The following PPARGC1A variants were observed in gnomAD, a reference collection of about 807,000 sequenced individuals.
PPARGC1A encodes PPARG coactivator 1 alpha, also known as peroxisome proliferator-activated receptor gamma coactivator 1-alpha.
A neutral mutation model predicts 88.7 loss-of-function variants in PPARGC1A; 25 were observed. The observed-to-expected ratio is 0.28, with a 90% CI of 0.21 to 0.39. The LOEUF is 0.39. Among genes scored for constraint, PPARGC1A ranks in the 10% least tolerant of loss-of-function variants. The pLI is 1.00. For missense variants in PPARGC1A, 880 were observed against 968.7 expected (o/e 0.91, Z 1.22); for synonymous variants, 363 against 355.6 (o/e 1.02, Z -0.24).
chr4:23,966,879 GGA>G, the PPARGC1A span, among the ~76,000 whole-genome samples: 1 of 152,158 alleles, frequency 6.6e-6, no homozygotes, highest in Non-Finnish European at 1.5e-5. Context: ...GTCTGGGAAT[GGA>G]GAGAGCCAGC....
At chr4:24,011,656 C>G in the PPARGC1A span, among the ~76,000 whole-genome samples, 1 of 152,148 alleles carries the variant, frequency 6.6e-6, no homozygotes, top group Non-Finnish European at 1.5e-5. Flanking sequence ...AATGCTCCAG[C>G]TCTTTAATGC....
the PPARGC1A span, among the ~76,000 whole-genome samples, chr4:24,070,052 CAG>C: frequency 6.6e-6 from 1 of 152,128 alleles, no homozygotes; most frequent in African/African-American, 2.4e-5. Flanking sequence ...TTTTATATAA[CAG>C]ATACTTTCTA....
chr4:24,471,165 C>T, the PPARGC1A span, among the ~76,000 whole-genome samples: 3 of 151,896 alleles, frequency 2.0e-5, no homozygotes, highest in African/African-American at 7.2e-5. The surrounding 1 kb of genome is among the most constrained non-coding windows in gnomAD (Gnocchi z 5.4). Flanking sequence ...CCACCCCTAG[C>T]GGGCCAGCTC....
the PPARGC1A span, among the ~76,000 whole-genome samples, chr4:24,404,552 C>T: frequency 6.6e-6 from 1 of 151,984 alleles, no homozygotes; most frequent in Non-Finnish European, 1.5e-5. Flanking sequence ...AAAAACAGTG[C>T]AAGAATGCTG....
the PPARGC1A span, among the ~76,000 whole-genome samples, chr4:23,969,185 C>A: frequency 4.9e-4 from 74 of 152,302 alleles, no homozygotes; most frequent in East Asian, 0.014. Flanking sequence ...GTCTTATGGC[C>A]ATGACACTAA....
chr4:23,984,297 T>C, the PPARGC1A span, among the ~76,000 whole-genome samples: 1 of 152,098 alleles, frequency 6.6e-6, no homozygotes, highest in Non-Finnish European at 1.5e-5. Context: ...TTCTCCTTCA[T>C]GGTGCTTCTC....
At chr4:23,916,777 T>C in the PPARGC1A span, among the ~76,000 whole-genome samples, 1 of 152,230 alleles carries the variant, frequency 6.6e-6, no homozygotes. Flanking sequence ...TTAGTTATCA[T>C]CACCACCATT....
At chr4:24,402,467 T>A in the PPARGC1A span, among the ~76,000 whole-genome samples, 1 of 152,166 alleles carries the variant, frequency 6.6e-6, no homozygotes, top group Non-Finnish European at 1.5e-5. Flanking sequence ...CTGATCCCCA[T>A]GACAATCCGA....
chr4:24,427,374 G>C, the PPARGC1A span, among the ~76,000 whole-genome samples: 13 of 150,546 alleles, frequency 8.6e-5, no homozygotes, highest in Non-Finnish European at 1.6e-4. Flanking sequence ...TCCACCTCCT[G>C]GGCTCAAGCC....
chr4:23,946,827 C>CAT, the PPARGC1A span, among the ~76,000 whole-genome samples: 6 of 151,654 alleles, frequency 4.0e-5, no homozygotes, highest in African/African-American at 1.5e-4. Flanking sequence ...CACACACACA[C>CAT]ATACACACAC....
the PPARGC1A span, among the ~76,000 whole-genome samples, chr4:24,169,334 A>C: frequency 6.6e-6 from 1 of 152,140 alleles, no homozygotes; most frequent in South Asian, 2.1e-4. Flanking sequence ...GGGGTCCTGG[A>C]TGGGATCCCA....
At chr4:24,258,965 A>G in the PPARGC1A span, among the ~76,000 whole-genome samples, 3 of 152,168 alleles carry the variant, frequency 2.0e-5, no homozygotes, top group Non-Finnish European at 4.4e-5. Flanking sequence ...CATAGGTCCT[A>G]CCATCAAGAA....
chr4:24,116,767 G>A, the PPARGC1A span, among the ~76,000 whole-genome samples: 1 of 152,150 alleles, frequency 6.6e-6, no homozygotes, highest in Admixed American at 6.6e-5. Flanking sequence ...TGAAACTAAA[G>A]CTCAGACTGG....
At chr4:24,208,986 C>T in the PPARGC1A span, among the ~76,000 whole-genome samples, 1 of 152,224 alleles carries the variant, frequency 6.6e-6, no homozygotes, top group South Asian at 2.1e-4. Flanking sequence ...TACAGATATA[C>T]CTAATTCTAG....
the PPARGC1A span, among the ~76,000 whole-genome samples, chr4:24,393,114 G>A: frequency 6.6e-6 from 1 of 151,796 alleles, no homozygotes; most frequent in Non-Finnish European, 1.5e-5. Flanking sequence ...AATGGTTTCT[G>A]ATGATTCTAC....
the PPARGC1A span, among the ~76,000 whole-genome samples, chr4:24,359,834 C>G: frequency 6.6e-6 from 1 of 152,086 alleles, no homozygotes; most frequent in Admixed American, 6.6e-5. Context: ...AGAAAATGAC[C>G]CTGCCAATAC....
the PPARGC1A span, among the ~76,000 whole-genome samples, chr4:24,153,114 C>T: frequency 3.3e-5 from 5 of 152,152 alleles, no homozygotes; most frequent in Non-Finnish European, 7.3e-5. Flanking sequence ...AAATGCAGAA[C>T]TCAGATTCAG....
the PPARGC1A span, among the ~76,000 whole-genome samples, chr4:24,206,955 A>G: frequency 1.4e-5 from 2 of 146,934 alleles, no homozygotes; most frequent in Non-Finnish European, 3.0e-5. Flanking sequence ...ACATTTTTTT[A>G]CAATTGGTAG....
the PPARGC1A span, among the ~76,000 whole-genome samples, chr4:24,115,573 C>T: frequency 6.6e-6 from 1 of 152,106 alleles, no homozygotes; most frequent in Admixed American, 6.6e-5. Flanking sequence ...ATCAACCAGG[C>T]TTTATATTAT....
Sources: allele counts gnomAD v4.1 joint callset (sites outside exome capture counted in the v4.1 genomes callset), GRCh38; gene constraint gnomAD v4.1.1; non-coding constraint Gnocchi (gnomAD v3.1); transcripts MANE v1.5; gene names NCBI Gene and HGNC (gene_info 2026-07-23, HGNC 2026-07-21).